Variants in ZNF385D observed in about 807,000 individuals in gnomAD.
ZNF385D encodes the protein zinc finger protein 659.
In ZNF385D, 15 loss-of-function variants were observed where a neutral mutation model predicts 35.8. The ratio of observed to expected loss-of-function variants is 0.42; its 90% CI spans 0.28 to 0.64. The LOEUF is 0.64. ZNF385D is among the 30% of genes least tolerant of loss of function. The pLI, the probability that ZNF385D is intolerant of heterozygous loss-of-function variation, is 0.23. For synonymous variants in ZNF385D, 212 were observed against 186.8 expected (o/e 1.13, Z -1.10); for missense variants, 474 against 494.6 (o/e 0.96, Z 0.39).
intron 1 of ZNF385D, among the ~76,000 whole-genome samples, chr3:21,724,495 A>ACCC (rs1559554495): frequency 4.8e-5 from 4 of 83,062 alleles, no homozygotes; most frequent in Non-Finnish European, 5.8e-5. Flanking sequence ...AAAAAAAAAA[A>ACCC]AAAAAAAAAA....
intron 3 of ZNF385D, chr3:21,979,515 T>G (rs1204522191): frequency 1.3e-5 from 2 of 152,164 alleles, no homozygotes; most frequent in Non-Finnish European, 2.9e-5. Context: ...GTGGGGCTAG[T>G]TTTTTACAAA....
chr3:22,241,177 T>C (rs778907132), intron 2 of ZNF385D, among the ~76,000 whole-genome samples: 2 of 151,154 alleles, frequency 1.3e-5, no homozygotes, highest in Non-Finnish European at 2.9e-5. Flanking sequence ...TACTGAAACA[T>C]TTTTCTCCTT....
At position 21,625,523 on chromosome 3, in the gene ZNF385D, T is replaced by A. The variant is rs572710251; in HGVS notation, c.165+39363A>T. ...TGATGGCTATAGAAACACACACATA[T>A]TCATTAAAAATGAATGACTCAAGAG... On this transcript the variant is annotated intron_variant, in intron 2 of 7. Coordinates refer to ENST00000281523, the MANE Select transcript of ZNF385D (RefSeq NM_024697.3). Among the ~76,000 whole-genome samples the A allele has an allele frequency of 9.9e-5, 15 of 152,230 alleles. No individual in the cohort carries two copies. The South Asian group carries it at 2.9e-3, about 29-fold the overall frequency.
intron 2 of ZNF385D, among the ~76,000 whole-genome samples, chr3:22,304,352 C>T (rs187649115): frequency 9.9e-5 from 15 of 151,988 alleles, no homozygotes; most frequent in Non-Finnish European, 4.4e-5. Flanking sequence ...ATTCAAATTG[C>T]TTATATTTAA....
At chr3:22,207,792 G>T (rs948109485) in intron 2 of ZNF385D, among the ~76,000 whole-genome samples, 4 of 151,896 alleles carry the variant, frequency 2.6e-5, no homozygotes, top group African/African-American at 9.7e-5. Flanking sequence ...ATGTGAAATA[G>T]ACATTTCTTG....
At chr3:21,740,959 G>A (rs1046188497) in intron 1 of ZNF385D, among the ~76,000 whole-genome samples, 4 of 152,158 alleles carry the variant, frequency 2.6e-5, no homozygotes, top group Admixed American at 6.5e-5. Flanking sequence ...AAGTTCCCCA[G>A]GTGATTCTTT....
chr3:22,278,204 A>G (rs1559494516), intron 2 of ZNF385D, among the ~76,000 whole-genome samples: 2 of 152,110 alleles, frequency 1.3e-5, no homozygotes, highest in Admixed American at 1.3e-4. Flanking sequence ...GTTTAAAAAG[A>G]ATGCAACTAT....
chr3:22,082,337 C>T (rs919104692), intron 3 of ZNF385D, among the ~76,000 whole-genome samples: 4 of 152,156 alleles, frequency 2.6e-5, no homozygotes, highest in Non-Finnish European at 5.9e-5. Flanking sequence ...AAAATTGGGA[C>T]ACTTCTGCCC....
At chr3:21,835,407 T>C (rs73144867) in intron 3 of ZNF385D, among the ~76,000 whole-genome samples, 9,900 of 151,946 alleles carry the variant, frequency 0.065, 613 homozygotes, top group East Asian at 0.17. Context: ...TGAGAACATA[T>C]GTTGCCTCCA....
chr3:21,717,312 C>G (rs2068361572), intron 1 of ZNF385D, among the ~76,000 whole-genome samples: 2 of 152,134 alleles, frequency 1.3e-5, no homozygotes, highest in Non-Finnish European at 1.5e-5. Context: ...CAAAGAGGAG[C>G]AGAAAAGGTA....
chr3:22,096,848 T>C (rs553073841), intron 3 of ZNF385D, among the ~76,000 whole-genome samples: 5 of 152,228 alleles, frequency 3.3e-5, no homozygotes, highest in Non-Finnish European at 7.4e-5. Flanking sequence ...TGAGAGAAAC[T>C]GTGCCTTTCC....
chr3:21,757,120 C>CTTTTTTTTTTGTTTTTTTTTT (rs2070373431), intron 3 of ZNF385D, among the ~76,000 whole-genome samples: 1 of 106,408 alleles, frequency 9.4e-6, no homozygotes, highest in African/African-American at 3.6e-5. Context: ...ATAAATTTCT[C>CTTTTTTTTTTGTTTTTTTTTT]TTTTTTTTTT....
intron 4 of ZNF385D, among the ~76,000 whole-genome samples, chr3:21,490,137 T>A (rs1322459638): frequency 6.6e-6 from 1 of 152,134 alleles, no homozygotes; most frequent in South Asian, 2.1e-4. Flanking sequence ...TTGTCCTGAC[T>A]CATCTCTTTT....
intron 3 of ZNF385D, among the ~76,000 whole-genome samples, chr3:21,972,836 T>C (rs1414214837): frequency 2.0e-5 from 3 of 151,688 alleles, no homozygotes; most frequent in Non-Finnish European, 4.4e-5. Flanking sequence ...AAGAATAAAT[T>C]CCTAGACACA....
At chr3:22,040,083 C>A (rs903820694) in intron 3 of ZNF385D, among the ~76,000 whole-genome samples, 2 of 152,146 alleles carry the variant, frequency 1.3e-5, no homozygotes, top group African/African-American at 2.4e-5. Context: ...CAGTGTGTAC[C>A]TAACTCTCCT....
At chr3:21,535,149 A>C (rs2062007846) in intron 3 of ZNF385D, among the ~76,000 whole-genome samples, 1 of 152,166 alleles carries the variant, frequency 6.6e-6, no homozygotes, top group Non-Finnish European at 1.5e-5. Context: ...ATTCTTTGTG[A>C]TGCCAAGGAA....
At chr3:21,433,097 G>T (rs1399574837) in intron 5 of ZNF385D, among the ~76,000 whole-genome samples, 1 of 152,084 alleles carries the variant, frequency 6.6e-6, no homozygotes, top group East Asian at 1.9e-4. Flanking sequence ...CAACTGACTT[G>T]CCCAGGTCCA....
At chr3:22,007,501 G>A (rs1286372134) in intron 3 of ZNF385D, among the ~76,000 whole-genome samples, 2 of 152,150 alleles carry the variant, frequency 1.3e-5, no homozygotes, top group Admixed American at 6.5e-5. Context: ...CAGGGCATGT[G>A]GCTATAAATG....
chr3:21,482,161 T>G (rs1193255535), intron 4 of ZNF385D, among the ~76,000 whole-genome samples: 2 of 152,144 alleles, frequency 1.3e-5, no homozygotes, highest in Non-Finnish European at 2.9e-5. Flanking sequence ...TGTTTATGAA[T>G]TCTGAGTATG....
Sources: allele counts gnomAD v4.1 joint callset (sites outside exome capture counted in the v4.1 genomes callset), GRCh38; gene constraint gnomAD v4.1.1; transcripts MANE v1.5; gene names NCBI Gene and HGNC (gene_info 2026-07-23, HGNC 2026-07-21).